The following BEND6 variants were observed in gnomAD, a reference collection of about 807,000 sequenced individuals.
The protein encoded by BEND6 is BEN domain containing 6.
Under a neutral mutation model 31.8 loss-of-function variants are expected in BEND6, and 24 were observed. The ratio of observed to expected loss-of-function variants is 0.75; its 90% CI spans 0.55 to 1.06. The LOEUF (loss-of-function observed/expected upper bound fraction) is 1.06, where lower values mean the gene tolerates loss of function less well. BEND6 is among the 50% of genes least tolerant of loss of function. The probability of loss-of-function intolerance (pLI) is 0.00; values close to 1 mark genes in which losing one functional copy is unlikely to be tolerated. For synonymous variants in BEND6, 109 were observed against 114.6 expected (o/e 0.95, Z 0.31); for missense variants, 294 against 327.4 (o/e 0.90, Z 0.79).
intron 6 of BEND6, among the ~76,000 whole-genome samples, chr6:57,025,440 G>A (rs1827870242): frequency 6.6e-6 from 1 of 152,128 alleles, no homozygotes; most frequent in South Asian, 2.1e-4. Context: ...ACTAACTGGT[G>A]CCTTAAGCCC....
intron 1 of BEND6, among the ~76,000 whole-genome samples, chr6:56,966,170 C>T (rs1481257073): frequency 6.6e-6 from 1 of 152,094 alleles, no homozygotes; most frequent in Non-Finnish European, 1.5e-5. Flanking sequence ...GGCATGATCT[C>T]GGCTCACTGC....
intron 3 of BEND6, among the ~76,000 whole-genome samples, chr6:56,997,697 G>T (rs1826774581): frequency 1.3e-5 from 2 of 152,094 alleles, no homozygotes; most frequent in South Asian, 4.1e-4. Context: ...GGGACTACAG[G>T]TGCCTGCCAC....
intron 2 of BEND6, among the ~76,000 whole-genome samples, chr6:56,988,714 T>C (rs1826380053): frequency 6.6e-6 from 1 of 152,132 alleles, no homozygotes. Context: ...TATTCAATTT[T>C]GTTTAATTTA....
At chr6:57,018,599 A>C in intron 6 of BEND6, 42 bp downstream of exon 6, 1 of 1,408,358 alleles carries the variant, frequency 7.1e-7, no homozygotes, top group Non-Finnish European at 9.4e-7. Context: ...GTGGCAAGAA[A>C]ATGTCATAAT....
chr6:56,995,241 A>G (rs1826663714), intron 3 of BEND6, among the ~76,000 whole-genome samples: 2 of 151,402 alleles, frequency 1.3e-5, no homozygotes, highest in Non-Finnish European at 2.9e-5. Flanking sequence ...AAAAACAAAA[A>G]CCTCACTTTC....
intron 1 of BEND6, among the ~76,000 whole-genome samples, chr6:56,977,568 A>T (rs1344161549): frequency 2.0e-5 from 3 of 152,252 alleles, no homozygotes; most frequent in African/African-American, 7.2e-5. Flanking sequence ...AGTCATCAGC[A>T]GGTGCTTTGC....
At chr6:56,959,859 A>C (rs913468268) in intron 1 of BEND6, among the ~76,000 whole-genome samples, 2 of 152,142 alleles carry the variant, frequency 1.3e-5, no homozygotes, top group Non-Finnish European at 2.9e-5. Flanking sequence ...CATTTTAGCT[A>C]TTGTAGAGCC....
chr6:56,982,354 C>G (rs914236119), intron 2 of BEND6, among the ~76,000 whole-genome samples: 2 of 152,142 alleles, frequency 1.3e-5, no homozygotes, highest in Non-Finnish European at 2.9e-5. Context: ...TTTTTCCTCT[C>G]CCCAAATACT....
chr6:57,007,701 G>A (rs1250884732), intron 3 of BEND6, among the ~76,000 whole-genome samples: 2 of 152,030 alleles, frequency 1.3e-5, no homozygotes, highest in Non-Finnish European at 1.5e-5. Flanking sequence ...AGGCTGAGGC[G>A]GGAAGATAGC....
chr6:57,021,098 G>A (rs1827728097), intron 6 of BEND6, among the ~76,000 whole-genome samples: 1 of 152,108 alleles, frequency 6.6e-6, no homozygotes, highest in Admixed American at 6.5e-5. Flanking sequence ...TGTTTAGACT[G>A]GAAATGCATG....
chr6:56,969,924 A>G (rs767266979), intron 1 of BEND6, among the ~76,000 whole-genome samples: 1 of 152,096 alleles, frequency 6.6e-6, no homozygotes, highest in East Asian at 1.9e-4. Context: ...GTTGCTTAGG[A>G]CATTATTTTT....
chr6:57,013,000 G>A (rs920974418), intron 3 of BEND6, among the ~76,000 whole-genome samples: 4 of 152,118 alleles, frequency 2.6e-5, no homozygotes, highest in Non-Finnish European at 5.9e-5. Context: ...CTTCCTCAGA[G>A]AAGCCCTGCT....
intron 3 of BEND6, among the ~76,000 whole-genome samples, chr6:56,998,369 A>G (rs1213906776): frequency 6.6e-6 from 1 of 152,190 alleles, no homozygotes; most frequent in Non-Finnish European, 1.5e-5. Context: ...CTAGAAATTC[A>G]GGATGGCAAA....
At chr6:56,956,475 A>C (rs1825022745) in intron 1 of BEND6, among the ~76,000 whole-genome samples, 1 of 152,246 alleles carries the variant, frequency 6.6e-6, no homozygotes, top group South Asian at 2.1e-4. Flanking sequence ...GGCATTGGTT[A>C]ATGCAGTCTC....
chr6:57,006,043 G>A (rs138864955), intron 3 of BEND6, among the ~76,000 whole-genome samples: 17 of 152,296 alleles, frequency 1.1e-4, no homozygotes, highest in South Asian at 4.1e-4. Context: ...GCAGTGTGGC[G>A]TAGGAGCGAA....
At chr6:56,977,541 T>C (rs1825923479) in intron 1 of BEND6, among the ~76,000 whole-genome samples, 2 of 152,262 alleles carry the variant, frequency 1.3e-5, no homozygotes, top group South Asian at 4.1e-4. Flanking sequence ...TTAAAGCCTA[T>C]GGTTATTCAT....
intron 3 of BEND6, among the ~76,000 whole-genome samples, chr6:57,007,010 C>T (rs1827181501): frequency 6.6e-6 from 1 of 152,136 alleles, no homozygotes; most frequent in Non-Finnish European, 1.5e-5. Context: ...GGTGCTGGAG[C>T]CAGGCACGGT....
intron 2 of BEND6, among the ~76,000 whole-genome samples, chr6:56,990,500 G>A (rs1000375504): frequency 6.6e-6 from 1 of 152,096 alleles, no homozygotes; most frequent in Non-Finnish European, 1.5e-5. Context: ...GCCTGCCTCA[G>A]CCTCCCAAAG....
chr6:57,002,685 A>T (rs958635389), intron 3 of BEND6, among the ~76,000 whole-genome samples: 2 of 152,152 alleles, frequency 1.3e-5, no homozygotes, highest in Non-Finnish European at 2.9e-5. Flanking sequence ...AATATAACAT[A>T]CCAAAATTTC....
Sources: gnomAD v4.1 joint callset for allele counts (sites outside exome capture counted in the v4.1 genomes callset) on GRCh38, gnomAD v4.1.1 for gene constraint, MANE v1.5 for transcripts, NCBI Gene and HGNC (gene_info 2026-07-23, HGNC 2026-07-21) for gene names.